Variants in TLN2 observed in about 807,000 individuals in gnomAD.
The protein encoded by TLN2 is talin-2.
TLN2 carries 118 observed loss-of-function variants against 294.7 expected under a neutral mutation model. The ratio of observed to expected loss-of-function variants is 0.40; its 90% CI spans 0.34 to 0.47. The LOEUF (loss-of-function observed/expected upper bound fraction) is 0.47, where lower values mean the gene tolerates loss of function less well. TLN2 is among the 20% of genes least tolerant of loss of function. TLN2 has a pLI of 0.84. For missense variants in TLN2, 3,083 were observed against 3,282.2 expected, an observed-to-expected ratio of 0.94 and a Z score of 1.48; for synonymous variants, 1,431 against 1,304.5, an observed-to-expected ratio of 1.10 and a Z score of -2.09.
rs2070743384 is a variant in TLN2 at position 62,841,917 on chromosome 15, A to C, written c.*1307A>C. 1 of 152,052 alleles carries C rather than the reference A, an allele frequency of 6.6e-6. No individual in the cohort carries two copies. Among genetic ancestry groups the C allele is most frequent in the African/African-American group, 2.4e-5 (1 of 41,404 alleles). The allele number at this position is 152,052 out of a possible 1,614,324, so 9.4% of individuals were successfully genotyped here. A position where few individuals can be genotyped will look rare whatever the true frequency, so the allele number is the denominator to read the frequency against. ...TAGTGGGGAAGGTAAAAGTTAATGGAAGTACATGATTTTCAAAACTGGTAA... is the reference window on the plus strand; with the variant it reads ...TAGTGGGGAAGGTAAAAGTTAATGGCAGTACATGATTTTCAAAACTGGTAA... On this transcript the variant is annotated 3_prime_UTR_variant, in exon 59 of 59. Coordinates refer to ENST00000636159, the MANE Select transcript of TLN2 (RefSeq NM_015059.3).
chr15:62,592,440 C>T (rs1026267273), intron 2 of TLN2, among the ~76,000 whole-genome samples: 2 of 152,174 alleles, frequency 1.3e-5, no homozygotes, highest in Admixed American at 1.3e-4. Flanking sequence ...GTTTCCTCTA[C>T]CCAGGAATGT....
At chr15:62,771,753 A>G (rs548952016) in intron 42 of TLN2, among the ~76,000 whole-genome samples, 141 of 152,310 alleles carry the variant, frequency 9.3e-4, no homozygotes, top group African/African-American at 3.2e-3. Context: ...GGTCTGATCT[A>G]TCTGGAGCAT....
At chr15:62,783,738 TG>T in intron 44 of TLN2, 32 bp from the exon 45 acceptor site, 1 of 1,559,916 alleles carries the variant, frequency 6.4e-7, no homozygotes, top group Non-Finnish European at 8.7e-7. Flanking sequence ...TGTGTGTGTG[TG>T]TGTGTGTGTC....
chr15:62,408,546 A>G (rs1000314543), intron 1 of TLN2, among the ~76,000 whole-genome samples: 2 of 152,334 alleles, frequency 1.3e-5, no homozygotes, highest in Non-Finnish European at 2.9e-5. Context: ...ACTATTTATA[A>G]GCTTTGGCCA....
intron 1 of TLN2, among the ~76,000 whole-genome samples, chr15:62,524,311 A>G (rs969651680): frequency 6.6e-6 from 1 of 152,182 alleles, no homozygotes; most frequent in African/African-American, 2.4e-5. Context: ...AGCTTTGTCA[A>G]TGGCAGATTT....
chr15:62,667,209 G>T (rs189045435), intron 9 of TLN2, among the ~76,000 whole-genome samples: 2 of 152,114 alleles, frequency 1.3e-5, no homozygotes, highest in East Asian at 1.9e-4. Flanking sequence ...CTAGTGATCC[G>T]CCCGCCTTGG....
chr15:62,817,069 T>C (rs986741013), intron 52 of TLN2, among the ~76,000 whole-genome samples: 2 of 152,164 alleles, frequency 1.3e-5, no homozygotes, highest in Non-Finnish European at 2.9e-5. Context: ...AAAGGAAGAC[T>C]GTTGTGGTCG....
intron 27 of TLN2, 129 bp downstream of exon 27, chr15:62,725,233 A>T: frequency 7.4e-7 from 1 of 1,349,540 alleles, no homozygotes; most frequent in Non-Finnish European, 9.7e-7. Context: ...TCTTTTTCTG[A>T]AAAGAATGCC....
chr15:62,753,968 G>T (rs1179309575), intron 36 of TLN2, 52 bp downstream of exon 36: 1 of 1,464,536 alleles, frequency 6.8e-7, no homozygotes, highest in Admixed American at 2.5e-5. Context: ...GCTCCTCTAG[G>T]TAAGTTGTGG....
chr15:62,667,936 G>A (rs2054916458), intron 9 of TLN2, among the ~76,000 whole-genome samples: 1 of 152,200 alleles, frequency 6.6e-6, no homozygotes, highest in African/African-American at 2.4e-5. Flanking sequence ...TGTCCTCTGA[G>A]TGAAATAAGC....
Position 62,843,091 on chromosome 15 carries a change from T to C in TLN2, c.*2481T>C, listed in dbSNP as rs1203266481. On this transcript the variant is annotated 3_prime_UTR_variant, in exon 59 of 59. Transcript: ENST00000636159. ...CATGAGTTCATTTGGGAGTGTGAAC[T>C]TTCAGAACACCTAATAAGAGAGTGG... 2.6e-5 allele frequency: 4 copies of C among 151,964 alleles called. No individual in the cohort carries two copies. The highest frequency in any genetic ancestry group is 4.4e-5 in the Non-Finnish European group (3 of 67,954). 9.4% of individuals were successfully genotyped at this position (151,964 alleles called of 1,614,324 possible).
In TLN2 at chr15:62,535,912, C is replaced by T. The variant is rs534038342; in HGVS notation, c.-237-53775C>T. Among the ~76,000 whole-genome samples, 5 of 152,248 alleles carry T rather than the reference C, an allele frequency of 3.3e-5. No homozygotes were observed. The East Asian group carries it at 7.7e-4, about 23-fold the overall frequency. On this transcript the variant is annotated intron_variant, in intron 1 of 58. Transcript: ENST00000636159. ...ATAACTCTTATGTGTGTGTATGAAC[C>T]GTTCTCACTTTTGACAAATGCGCAA...
intron 42 of TLN2, among the ~76,000 whole-genome samples, chr15:62,773,137 G>C (rs1221203541): frequency 2.6e-5 from 4 of 151,714 alleles, no homozygotes; most frequent in Admixed American, 1.3e-4. Context: ...AGCCATCAGA[G>C]ATGGGGTCTC....
intron 52 of TLN2, among the ~76,000 whole-genome samples, chr15:62,811,547 A>G (rs919651412): frequency 6.6e-6 from 1 of 152,234 alleles, no homozygotes; most frequent in Non-Finnish European, 1.5e-5. Context: ...TGCAATCAGT[A>G]GATTTAGAAG....
At chr15:62,654,754 C>CAAAAAAAAAAAAAAAA (rs59006343) in intron 7 of TLN2, among the ~76,000 whole-genome samples, 1 of 33,854 alleles carries the variant, frequency 3.0e-5, no homozygotes, top group African/African-American at 1.2e-4. Context: ...GACTCTGCCT[C>CAAAAAAAAAAAAAAAA]AAAAAAAAAA....
chr15:62,674,661 A>G (rs2055936339), intron 10 of TLN2, among the ~76,000 whole-genome samples: 1 of 151,480 alleles, frequency 6.6e-6, no homozygotes, highest in Admixed American at 6.6e-5. Flanking sequence ...GCCACCACAC[A>G]TGGCTAATTT....
intron 11 of TLN2, among the ~76,000 whole-genome samples, chr15:62,677,315 A>G (rs1257389100): frequency 1.3e-5 from 2 of 152,240 alleles, no homozygotes; most frequent in Non-Finnish European, 2.9e-5. Flanking sequence ...TTTGAGTATT[A>G]AATTCATCTC....
intron 1 of TLN2, among the ~76,000 whole-genome samples, chr15:62,433,190 G>T (rs1353080701): frequency 6.6e-6 from 1 of 152,136 alleles, no homozygotes; most frequent in Non-Finnish European, 1.5e-5. Context: ...CAGGGCTCCA[G>T]CCTGGGCGTT....
At chr15:62,497,340 T>A (rs963202153) in intron 1 of TLN2, among the ~76,000 whole-genome samples, 2 of 152,126 alleles carry the variant, frequency 1.3e-5, no homozygotes, top group South Asian at 4.1e-4. Context: ...GAAATTGGAG[T>A]ACTTGAATCC....
Sources: allele counts gnomAD v4.1 joint callset (sites outside exome capture counted in the v4.1 genomes callset), GRCh38; gene constraint gnomAD v4.1.1; transcripts MANE v1.5; gene names NCBI Gene and HGNC (gene_info 2026-07-23, HGNC 2026-07-21).